ZNF277: variants seen among roughly 807,000 people sequenced by gnomAD.
ZNF277 encodes the protein nuclear receptor-interacting factor 4.
Under a neutral mutation model 60.7 loss-of-function variants are expected in ZNF277, and 55 were observed. The ratio of observed to expected loss-of-function variants is 0.91; its 90% confidence interval spans 0.73 to 1.13. The LOEUF is 1.13. Among genes scored for constraint, ZNF277 ranks in the 50% most tolerant of loss-of-function variants. ZNF277 has a pLI of 0.00. For missense variants in ZNF277, 510 were observed against 523.0 expected (o/e 0.98, Z 0.24); for synonymous variants, 178 against 179.3 (o/e 0.99, Z 0.06).
At chr7:112,283,146 G>A (rs1459716147) in intron 1 of ZNF277, among the ~76,000 whole-genome samples, 2 of 152,218 alleles carry the variant, frequency 1.3e-5, no homozygotes, top group Non-Finnish European at 2.9e-5. Flanking sequence ...TATGATCAAT[G>A]CTGTTATAAT....
intron 4 of ZNF277, among the ~76,000 whole-genome samples, chr7:112,297,265 T>C (rs572104354): frequency 2.6e-5 from 4 of 152,112 alleles, no homozygotes; most frequent in Non-Finnish European, 5.9e-5. Context: ...GAAAGTAATT[T>C]TTTAAATTGT....
At chr7:112,278,639 T>G (rs936270126) in intron 1 of ZNF277, among the ~76,000 whole-genome samples, 2 of 152,196 alleles carry the variant, frequency 1.3e-5, no homozygotes, top group African/African-American at 4.8e-5. Context: ...GGAAACAGGC[T>G]AAGAAAGGTT....
intron 1 of ZNF277, among the ~76,000 whole-genome samples, chr7:112,219,045 T>A (rs186538534): frequency 3.9e-5 from 6 of 152,376 alleles, no homozygotes; most frequent in African/African-American, 1.4e-4. Flanking sequence ...ACCTCCATGC[T>A]GTTTTCCATA....
At chr7:112,255,144 G>A (rs992308652) in intron 1 of ZNF277, among the ~76,000 whole-genome samples, 2 of 152,162 alleles carry the variant, frequency 1.3e-5, no homozygotes, top group South Asian at 4.2e-4. Flanking sequence ...TCACCTTTTT[G>A]AAAGAAGTCT....
chr7:112,232,056 T>C (rs933457082), intron 1 of ZNF277, among the ~76,000 whole-genome samples: 1 of 20,912 alleles, frequency 4.8e-5, no homozygotes, highest in African/African-American at 7.2e-5. Context: ...TATATATATA[T>C]ATATATATAT....
chr7:112,232,031 A>G (rs1822345868), intron 1 of ZNF277, among the ~76,000 whole-genome samples: 1 of 127,160 alleles, frequency 7.9e-6, no homozygotes, highest in Non-Finnish European at 1.6e-5. Context: ...TGCCCCTAAA[A>G]TAAATAAATA....
chr7:112,336,163 T>C lies in ZNF277; in HGVS notation c.861T>C (p.His287=). ...AAGATGATCGGGAGTTGCTGGACCA[T>C]CAGGAAGAGTAAGAGTTGTTATTGC... The part of the protein sequence containing the change: ...QLEDDRELLD[H]QEDDWSDWEE... The change falls in exon 8 of 12, where the codon CAT becomes CAC. Residue 287 remains histidine, a synonymous_variant. Transcript: ENST00000361822. 1 of 1,610,742 alleles carries C rather than the reference T, an allele frequency of 6.2e-7. No individual in the cohort carries two copies.
chr7:112,292,028 C>T (rs1199418369), intron 2 of ZNF277, among the ~76,000 whole-genome samples: 2 of 152,148 alleles, frequency 1.3e-5, no homozygotes, highest in Non-Finnish European at 2.9e-5. Context: ...CTATTACCTG[C>T]TTTATCCCAT....
intron 11 of ZNF277, among the ~76,000 whole-genome samples, chr7:112,341,932 CA>C (rs1195312996): frequency 6.6e-6 from 1 of 152,008 alleles, no homozygotes; most frequent in Non-Finnish European, 1.5e-5. Flanking sequence ...TGTAATATTC[CA>C]AAAGTAACTT....
chr7:112,217,694 T>G (rs1263514942), intron 1 of ZNF277, among the ~76,000 whole-genome samples: 2 of 152,182 alleles, frequency 1.3e-5, no homozygotes, highest in African/African-American at 4.8e-5. Context: ...GTAGACTGCC[T>G]TTTGCAGGAC....
intron 7 of ZNF277, among the ~76,000 whole-genome samples, chr7:112,330,933 G>A (rs1793216324): frequency 1.3e-5 from 2 of 152,054 alleles, no homozygotes; most frequent in African/African-American, 4.8e-5. Context: ...AGTACTGGAT[G>A]TGTTAGGTGC....
intron 1 of ZNF277, among the ~76,000 whole-genome samples, chr7:112,256,433 T>TG: frequency 6.9e-6 from 1 of 145,092 alleles, no homozygotes; most frequent in Non-Finnish European, 1.5e-5. Context: ...TTTTTTTTTT[T>TG]TTTTTTTTTT....
intron 4 of ZNF277, among the ~76,000 whole-genome samples, chr7:112,298,736 CTT>C (rs1425122331): frequency 2.6e-5 from 4 of 152,192 alleles, no homozygotes; most frequent in African/African-American, 9.6e-5. Context: ...TTGGTTCTTG[CTT>C]CATAGCACCC....
At chr7:112,302,109 A>AT (rs938342926) in intron 4 of ZNF277, among the ~76,000 whole-genome samples, 2 of 151,798 alleles carry the variant, frequency 1.3e-5, no homozygotes, top group East Asian at 1.9e-4. Context: ...GTATGAAGGT[A>AT]TTTTTTTTAA....
At chr7:112,246,333 G>A (rs1228251831) in intron 1 of ZNF277, among the ~76,000 whole-genome samples, 4 of 152,164 alleles carry the variant, frequency 2.6e-5, no homozygotes, top group African/African-American at 9.7e-5. Context: ...GGTCGAGGCT[G>A]CAGTGAGCCG....
At chr7:112,210,982 T>C (rs1821730561) in intron 1 of ZNF277, among the ~76,000 whole-genome samples, 1 of 152,244 alleles carries the variant, frequency 6.6e-6, no homozygotes, top group Non-Finnish European at 1.5e-5. Context: ...TGACTGAGGC[T>C]ATTTCTTCTG....
chr7:112,266,503 C>T (rs768614348), intron 1 of ZNF277, among the ~76,000 whole-genome samples: 18 of 152,030 alleles, frequency 1.2e-4, no homozygotes, highest in Admixed American at 2.0e-4. Flanking sequence ...AGGTTACTAA[C>T]ATTGGTCCAG....
chr7:112,220,193 T>C (rs1821988390), intron 1 of ZNF277, among the ~76,000 whole-genome samples: 1 of 152,226 alleles, frequency 6.6e-6, no homozygotes, highest in Non-Finnish European at 1.5e-5. Context: ...TGGCATATCT[T>C]TCCTTTTATT....
intron 9 of ZNF277, 118 bp downstream of exon 9, chr7:112,337,944 C>A (rs1437714457): frequency 2.5e-6 from 2 of 798,078 alleles, no homozygotes; most frequent in Non-Finnish European, 3.8e-6. Flanking sequence ...CCAGAAGAGA[C>A]AGGCCAGGTC....
Sources: gnomAD v4.1 joint callset for allele counts (sites outside exome capture counted in the v4.1 genomes callset) on GRCh38, gnomAD v4.1.1 for gene constraint, MANE v1.5 for transcripts, NCBI Gene and HGNC (gene_info 2026-07-23, HGNC 2026-07-21) for gene names.